The following OSBPL10 variants were observed in gnomAD, a reference collection of about 807,000 sequenced individuals.
OSBPL10 encodes oxysterol binding protein like 10.
In OSBPL10, 49 loss-of-function variants were observed where a neutral mutation model predicts 81.7. The ratio of observed to expected loss-of-function variants is 0.60; its 90% CI spans 0.48 to 0.76. The LOEUF is 0.76. OSBPL10 is among the 30% of genes least tolerant of loss of function. OSBPL10 has a pLI of 0.00. For missense variants in OSBPL10, 923 were observed against 987.8 expected (o/e 0.93, Z 0.88); for synonymous variants, 419 against 383.6 (o/e 1.09, Z -1.08).
chr3:31,745,978 C>T (rs1423526369), intron 5 of OSBPL10, among the ~76,000 whole-genome samples: 2 of 152,160 alleles, frequency 1.3e-5, no homozygotes, highest in African/African-American at 4.8e-5. Flanking sequence ...TGCCTCATTC[C>T]TTCATTAATT....
At chr3:31,762,449 G>A (rs1261698230) in intron 4 of OSBPL10, among the ~76,000 whole-genome samples, 1 of 151,726 alleles carries the variant, frequency 6.6e-6, no homozygotes, top group Non-Finnish European at 1.5e-5. Flanking sequence ...GCTCTGTCTT[G>A]GCCACAAGCA....
chr3:31,869,594 T>C (rs1401568973), intron 3 of OSBPL10, among the ~76,000 whole-genome samples: 1 of 152,166 alleles, frequency 6.6e-6, no homozygotes, highest in Non-Finnish European at 1.5e-5. Flanking sequence ...CTCTGCAATA[T>C]ATGAAAATAT....
intron 6 of OSBPL10, among the ~76,000 whole-genome samples, chr3:31,728,055 T>C (rs1696864237): frequency 6.6e-6 from 1 of 152,256 alleles, no homozygotes; most frequent in African/African-American, 2.4e-5. Flanking sequence ...CAATTTTTCT[T>C]CTTTTGGGAA....
intron 9 of OSBPL10, 90 bp downstream of exon 9, chr3:31,670,707 C>T (rs2125512871): frequency 6.7e-6 from 9 of 1,336,542 alleles, no homozygotes; most frequent in South Asian, 1.5e-5. Context: ...TTCAACTCAT[C>T]CCATTACTGA....
intron 4 of OSBPL10, among the ~76,000 whole-genome samples, chr3:31,756,209 G>A (rs188976116): frequency 2.0e-4 from 30 of 152,250 alleles, no homozygotes; most frequent in Non-Finnish European, 2.8e-4. Flanking sequence ...CCACTTCAGC[G>A]CCCTTTACAC....
intron 4 of OSBPL10, among the ~76,000 whole-genome samples, chr3:31,803,381 T>G (rs755923486): frequency 6.6e-6 from 1 of 152,214 alleles, no homozygotes; most frequent in Non-Finnish European, 1.5e-5. Flanking sequence ...CCTTCTCACA[T>G]GCTTCAAAGC....
At chr3:31,750,039 A>G (rs6785214) in intron 4 of OSBPL10, among the ~76,000 whole-genome samples, 27,173 of 151,620 alleles carry the variant, frequency 0.18, 3,217 homozygotes, top group African/African-American at 0.34. Flanking sequence ...AAAATAAGCC[A>G]GGTGTGATGG....
At position 31,981,122 on chromosome 3, in the gene OSBPL10, T is replaced by TGCG. The variant is rs1156518356; in HGVS notation, c.55_57dup (p.Arg19dup). On this transcript the variant is annotated inframe_insertion, in exon 1 of 12. Transcript: ENST00000396556. This position sits in a 1 kb window ranked among gnomAD's most constrained non-coding sequence, Gnocchi z 4.5. Reference sequence around the variant, plus strand: ...CCCGCCGAGGTAGCACGGCTGCTGCTGCGGCTGCTGCTGTTGCTACCCCCG... The same window carrying TGCG: ...CCCGCCGAGGTAGCACGGCTGCTGCTGCGGCGGCTGCTGCTGTTGCTACCCCCG... 1 of 1,490,428 alleles carries TGCG rather than the reference T, an allele frequency of 6.7e-7. No homozygotes were observed. The highest frequency in any genetic ancestry group is 8.9e-7 in the Non-Finnish European group (1 of 1,124,852). The allele number at this position is 1,490,428 out of a possible 1,614,324, so 92.3% of individuals were successfully genotyped here.
chr3:31,944,814 G>C (rs1349709681), intron 1 of OSBPL10, among the ~76,000 whole-genome samples: 1 of 116,362 alleles, frequency 8.6e-6, no homozygotes, highest in Non-Finnish European at 1.7e-5. Context: ...CTGGGCAACA[G>C]AGCAAGACCC....
At chr3:31,789,960 T>A (rs2125420034) in intron 4 of OSBPL10, among the ~76,000 whole-genome samples, 1 of 152,216 alleles carries the variant, frequency 6.6e-6, no homozygotes, top group East Asian at 1.9e-4. Context: ...TTTTATTCTT[T>A]TTTTTTTGCT....
At chr3:31,838,762 A>G (rs1348305632) in intron 3 of OSBPL10, among the ~76,000 whole-genome samples, 1 of 152,186 alleles carries the variant, frequency 6.6e-6, no homozygotes, top group Non-Finnish European at 1.5e-5. Flanking sequence ...CCAATATAGC[A>G]TACTAATTCT....
upstream of OSBPL10, chr3:31,986,128 G>A (rs1463565953): frequency 1.3e-5 from 2 of 152,202 alleles, no homozygotes; most frequent in African/African-American, 2.4e-5. Context: ...ATGCATTTAG[G>A]AATTGATCCT....
intron 2 of OSBPL10, among the ~76,000 whole-genome samples, chr3:32,041,373 A>G (rs1471847286): frequency 6.6e-6 from 1 of 152,222 alleles, no homozygotes; most frequent in Non-Finnish European, 1.5e-5. Flanking sequence ...TGGTGGTTCC[A>G]GTCTACATTT....
At chr3:31,687,337 C>A (rs1203083881) in intron 7 of OSBPL10, among the ~76,000 whole-genome samples, 1 of 152,016 alleles carries the variant, frequency 6.6e-6, no homozygotes, top group Non-Finnish European at 1.5e-5. Flanking sequence ...CATGTTTGTA[C>A]CCAAGATTAA....
intron 1 of OSBPL10, among the ~76,000 whole-genome samples, chr3:32,057,205 C>A (rs142222228): frequency 2.0e-5 from 3 of 152,178 alleles, no homozygotes; most frequent in African/African-American, 4.8e-5. Context: ...GCAGCCCATG[C>A]GGTTGCTGTG....
chr3:31,949,698 A>AAAAG (rs1559529082), intron 1 of OSBPL10, among the ~76,000 whole-genome samples: 4 of 139,966 alleles, frequency 2.9e-5, no homozygotes, highest in Non-Finnish European at 4.7e-5. Flanking sequence ...AAAAAAAAAA[A>AAAAG]AAGGATACTG....
chr3:31,809,455 C>T (rs1178242782), intron 4 of OSBPL10, among the ~76,000 whole-genome samples: 1 of 152,120 alleles, frequency 6.6e-6, no homozygotes, highest in Non-Finnish European at 1.5e-5. Context: ...ATAACTATGC[C>T]CCTATTCTTA....
chr3:32,035,181 C>A (rs1004147479), intron 2 of OSBPL10, among the ~76,000 whole-genome samples: 1 of 151,932 alleles, frequency 6.6e-6, no homozygotes, highest in Non-Finnish European at 1.5e-5. Flanking sequence ...GGTTTGGGAG[C>A]CTGCCTGAAG....
intron 11 of OSBPL10, 181 bp downstream of exon 11, chr3:31,663,898 G>A: frequency 1.6e-5 from 24 of 1,480,318 alleles, no homozygotes; most frequent in Non-Finnish European, 2.1e-5. Context: ...CATGAATATT[G>A]TGGCAGAAAA....
Sources: gnomAD v4.1 joint callset for allele counts (sites outside exome capture counted in the v4.1 genomes callset) on GRCh38, gnomAD v4.1.1 for gene constraint, Gnocchi (gnomAD v3.1) non-coding constraint, MANE v1.5 for transcripts, NCBI Gene and HGNC (gene_info 2026-07-23, HGNC 2026-07-21) for gene names.